Variants in MTAP observed in about 807,000 individuals in gnomAD.
MTAP encodes S-methyl-5'-thioadenosine phosphorylase.
In MTAP, 33 loss-of-function variants were observed where a neutral mutation model predicts 33.6. The observed-to-expected ratio is 0.98, with a 90% CI of 0.74 to 1.31. The LOEUF is 1.31. Ranked by LOEUF, MTAP falls within the 40% of genes most tolerant of loss-of-function variation. The pLI, the probability that MTAP is intolerant of heterozygous loss-of-function variation, is 0.00. For synonymous variants in MTAP, 148 were observed against 125.7 expected (o/e 1.18, Z -1.19); for missense variants, 367 against 360.0 (o/e 1.02, Z -0.16).
At chr9:21,910,151 T>C (rs1818546926) in intron 1 of MTAP, among the ~76,000 whole-genome samples, 1 of 152,152 alleles carries the variant, frequency 6.6e-6, no homozygotes, top group South Asian at 2.1e-4. Flanking sequence ...TAAGAAGATA[T>C]TGTTTGAAAG....
intron 1 of MTAP, 118 bp downstream of exon 1, chr9:21,802,899 G>A (rs1824089122): frequency 6.7e-7 from 1 of 1,483,090 alleles, no homozygotes; most frequent in Non-Finnish European, 8.9e-7. Context: ...TTGCCGCCGC[G>A]GGGAGGGACT....
At chr9:21,836,378 A>G (rs2118301916) in intron 4 of MTAP, among the ~76,000 whole-genome samples, 1 of 152,290 alleles carries the variant, frequency 6.6e-6, no homozygotes, top group Non-Finnish European at 1.5e-5. Flanking sequence ...AAAAAGTTCA[A>G]AACAAAGGCG....
chr9:21,846,022 A>G (rs537161817), intron 5 of MTAP, among the ~76,000 whole-genome samples: 11 of 152,178 alleles, frequency 7.2e-5, no homozygotes, highest in Non-Finnish European at 2.9e-5. Context: ...AGGAAAGGAC[A>G]CCCTATTTAA....
intron 4 of MTAP, among the ~76,000 whole-genome samples, chr9:21,836,564 A>T (rs553691920): frequency 2.6e-5 from 4 of 152,356 alleles, no homozygotes; most frequent in Non-Finnish European, 4.4e-5. Flanking sequence ...AGGCTGAAAC[A>T]AAGCCAGAGC....
intron 4 of MTAP, among the ~76,000 whole-genome samples, chr9:21,824,264 A>G (rs900731612): frequency 1.3e-5 from 2 of 152,136 alleles, no homozygotes; most frequent in African/African-American, 2.4e-5. Context: ...TGATGGTGAC[A>G]TACAGATGTG....
intron 3 of MTAP, 87 bp from the exon 4 acceptor site, chr9:21,817,948 G>A (rs1355387497): frequency 7.6e-7 from 1 of 1,314,078 alleles, no homozygotes; most frequent in Non-Finnish European, 1.0e-6. Flanking sequence ...CATTGCTAGA[G>A]AATCACTTAA....
chr9:21,910,228 A>T (rs1818548348), intron 1 of MTAP, among the ~76,000 whole-genome samples: 1 of 152,202 alleles, frequency 6.6e-6, no homozygotes, highest in Non-Finnish European at 1.5e-5. Context: ...TTCTAAGTAG[A>T]TAAGATACAT....
At position 21,865,354 on chromosome 9, in the gene MTAP, T is replaced by C. The variant is rs1825836624; in HGVS notation, c.*3340T>C. On this transcript the variant is annotated 3_prime_UTR_variant, in exon 8 of 8. Coordinates refer to ENST00000644715, the MANE Select transcript of MTAP (RefSeq NM_002451.4). The stretch of plus-strand genomic sequence containing the variant: ...GTTTCCTGAGGCCTTCCCAGCTATG[T>C]GGAACTGTGAGTTAATTAAACCTCT... 1 of 815,312 alleles carries C rather than the reference T, an allele frequency of 1.2e-6. No homozygotes were observed. Among genetic ancestry groups the C allele is most frequent in the African/African-American group, 1.9e-5 (1 of 53,928 alleles). 50.5% of individuals were successfully genotyped at this position (815,312 alleles called of 1,614,324 possible).
At chr9:21,897,667 C>T (rs1818318923) in intron 1 of MTAP, among the ~76,000 whole-genome samples, 1 of 152,174 alleles carries the variant, frequency 6.6e-6, no homozygotes, top group African/African-American at 2.4e-5. Flanking sequence ...GGGAATCCAG[C>T]TTACAAGGGA....
chr9:21,865,107 T>C lies in MTAP; in HGVS notation c.*3093T>C, dbSNP rs4977735. ...TGGCGGTGTCCCCACCCAAATCTCA[T>C]GTTGAATTGTAGTTCCCATAATCCC... On this transcript the variant is annotated 3_prime_UTR_variant, in exon 8 of 8. Coordinates refer to ENST00000644715, the MANE Select transcript of MTAP (RefSeq NM_002451.4). 0.21 allele frequency: 201,971 copies of C among 984,196 alleles called. 21,447 individuals carry two copies. The highest frequency in any genetic ancestry group is 0.41 in the East Asian group (3,615 of 8,768). 61.0% of individuals were successfully genotyped at this position (984,196 alleles called of 1,614,324 possible). A position where few individuals can be genotyped will look rare whatever the true frequency, so the allele number is the denominator to read the frequency against.
chr9:21,887,095 G>C (rs771942175), intron 1 of MTAP, among the ~76,000 whole-genome samples: 10 of 152,008 alleles, frequency 6.6e-5, no homozygotes, highest in African/African-American at 1.2e-4. Flanking sequence ...TCATTTGTTT[G>C]TGTGATCTAT....
intron 5 of MTAP, among the ~76,000 whole-genome samples, chr9:21,850,892 T>C (rs1362378878): frequency 6.6e-6 from 1 of 152,180 alleles, no homozygotes; most frequent in Non-Finnish European, 1.5e-5. Context: ...TGCCCGTGCA[T>C]GGCCTCCATC....
At chr9:21,880,450 G>A (rs768933390) in intron 1 of MTAP, among the ~76,000 whole-genome samples, 4 of 152,060 alleles carry the variant, frequency 2.6e-5, no homozygotes, top group Non-Finnish European at 4.4e-5. Flanking sequence ...TGGAAAGGAA[G>A]TAAAACTATT....
intron 1 of MTAP, among the ~76,000 whole-genome samples, chr9:21,928,401 TCTGG>T (rs1171135350): frequency 6.6e-6 from 1 of 152,148 alleles, no homozygotes; most frequent in East Asian, 1.9e-4. Flanking sequence ...AGGTACATAC[TCTGG>T]GGAGGACTGG....
chr9:21,911,915 T>C (rs929154112), intron 1 of MTAP, among the ~76,000 whole-genome samples: 2 of 151,716 alleles, frequency 1.3e-5, no homozygotes, highest in Non-Finnish European at 2.9e-5. Flanking sequence ...GAGAGAAGAA[T>C]CAAATAGATG....
intron 1 of MTAP, among the ~76,000 whole-genome samples, chr9:21,877,296 T>C (rs1401411386): frequency 2.0e-5 from 3 of 152,178 alleles, no homozygotes; most frequent in Non-Finnish European, 4.4e-5. Flanking sequence ...AATCATGTCA[T>C]GTGCAAACAG....
Position 21,892,954 on chromosome 9 carries a change from A to G in MTAP, c.148-38054A>G, listed in dbSNP as rs1398968696. 2.0e-5 allele frequency: 3 copies of G among 152,228 alleles called. 1 individual carries two copies. The East Asian group carries it at 5.8e-4, about 29-fold the overall frequency. The allele number at this position is 152,228 out of a possible 1,614,324, so 9.4% of individuals were successfully genotyped here. A position where few individuals can be genotyped will look rare whatever the true frequency, so the allele number is the denominator to read the frequency against. ...GGACCACAGTGCAATGAAAATAGAAATCAATAGTGAAAAGATATTTCAAAA... is the reference window on the plus strand; with the variant it reads ...GGACCACAGTGCAATGAAAATAGAAGTCAATAGTGAAAAGATATTTCAAAA... On this transcript the variant is annotated intron_variant, in intron 1 of 1. Transcript: ENST00000577563.
At chr9:21,907,972 T>A (rs1818501457) in intron 1 of MTAP, among the ~76,000 whole-genome samples, 3 of 152,094 alleles carry the variant, frequency 2.0e-5, no homozygotes, top group Non-Finnish European at 2.9e-5. Context: ...CATTCAATGG[T>A]AGGCTGTCAC....
At chr9:21,930,567 C>T (rs1026990818) in intron 1 of MTAP, 6 of 323,052 alleles carry the variant, frequency 1.9e-5, no homozygotes, top group African/African-American at 1.3e-4. Flanking sequence ...GGAACCTAAA[C>T]TGCCGGAATC....
Sources: allele counts gnomAD v4.1 joint callset (sites outside exome capture counted in the v4.1 genomes callset), GRCh38; gene constraint gnomAD v4.1.1; transcripts MANE v1.5; gene names NCBI Gene and HGNC (gene_info 2026-07-23, HGNC 2026-07-21).